MSL2: variants seen among roughly 807,000 people sequenced by gnomAD.
MSL2 encodes the protein E3 ubiquitin-protein ligase MSL2.
MSL2 carries 2 observed loss-of-function variants against 35.8 expected under a neutral mutation model. That is an observed-to-expected ratio of 0.06 (90% CI 0.02 to 0.18). The LOEUF is 0.18. MSL2 is among the 10% of genes least tolerant of loss of function. The pLI, the probability that MSL2 is intolerant of heterozygous loss-of-function variation, is 1.00. For synonymous variants in MSL2, 296 were observed against 255.7 expected, an observed-to-expected ratio of 1.16 and a Z score of -1.50; for missense variants, 523 against 706.7, an observed-to-expected ratio of 0.74 and a Z score of 2.95.
intron 1 of MSL2, among the ~76,000 whole-genome samples, chr3:136,183,907 C>T (rs1201000567): frequency 6.6e-6 from 1 of 152,188 alleles, no homozygotes; most frequent in Admixed American, 6.6e-5. Flanking sequence ...TGTGAATCAA[C>T]AACTGTTCTC....
intron 1 of MSL2, among the ~76,000 whole-genome samples, chr3:136,165,405 TTTC>T (rs1390345064): frequency 6.6e-6 from 1 of 152,198 alleles, no homozygotes; most frequent in African/African-American, 2.4e-5. Flanking sequence ...TAGTTACCAA[TTTC>T]TTATTTACTC....
intron 1 of MSL2, among the ~76,000 whole-genome samples, chr3:136,161,742 A>G (rs1009374519): frequency 1.3e-5 from 2 of 152,152 alleles, no homozygotes; most frequent in Non-Finnish European, 2.9e-5. Context: ...TTTTAGGGGG[A>G]TGAAAGTGTT....
intron 1 of MSL2, among the ~76,000 whole-genome samples, chr3:136,179,887 G>C (rs1940287859): frequency 6.6e-6 from 1 of 152,088 alleles, no homozygotes. Context: ...CCAACACGGT[G>C]AAACTCCACC....
chr3:136,152,037 T>C lies in MSL2; in HGVS notation c.844A>G (p.Asn282Asp), dbSNP rs150957431. The C allele has an allele frequency of 1.7e-5, 27 of 1,614,058 alleles. No individual in the cohort carries two copies. Among genetic ancestry groups the C allele is most frequent in the East Asian group, 1.1e-4 (5 of 44,906 alleles). Residue 282 changes from asparagine (N) to aspartate (D), a missense_variant, in exon 2 of 2, where the codon AAT becomes GAT. By Grantham distance (23) the Asn-to-Asp change is conservative (BLOSUM62 1). Transcript: ENST00000309993. ...AAATTAGGGCAACAGACCTCTGTAT[T>C]TGAAACAGTTTCTAAGCTGCGGAGT... ...EVLRSLETVS[N>D]TEVCCPNLQP...
At chr3:136,170,046 T>G (rs1332893684) in intron 1 of MSL2, among the ~76,000 whole-genome samples, 1 of 127,238 alleles carries the variant, frequency 7.9e-6, no homozygotes, top group Non-Finnish European at 1.7e-5. Context: ...GAGACTCCAT[T>G]AAAAAAAAAA....
intron 1 of MSL2, chr3:136,194,470 G>T (rs1251186637): frequency 1.0e-6 from 1 of 985,750 alleles, no homozygotes; most frequent in East Asian, 1.1e-4. Flanking sequence ...AGCATTTGTG[G>T]AGGAACCTGG....
chr3:136,171,594 C>T (rs1258140857), intron 1 of MSL2, among the ~76,000 whole-genome samples: 1 of 152,216 alleles, frequency 6.6e-6, no homozygotes, highest in African/African-American at 2.4e-5. Flanking sequence ...TACATCATGG[C>T]ATCCACTACA....
chr3:136,157,539 C>A (rs1431247471), intron 1 of MSL2, among the ~76,000 whole-genome samples: 3 of 151,918 alleles, frequency 2.0e-5, no homozygotes, highest in African/African-American at 7.3e-5. Flanking sequence ...CAGATTAGGG[C>A]AGAAACCAAT....
intron 1 of MSL2, among the ~76,000 whole-genome samples, chr3:136,177,234 A>G (rs942041854): frequency 6.6e-6 from 1 of 152,256 alleles, no homozygotes; most frequent in African/African-American, 2.4e-5. Flanking sequence ...TAGCCCATTT[A>G]AATATCCCTG....
intron 1 of MSL2, among the ~76,000 whole-genome samples, chr3:136,183,777 C>T (rs1323105031): frequency 6.6e-6 from 1 of 152,168 alleles, no homozygotes; most frequent in Admixed American, 6.5e-5. Context: ...ACTGAAAACA[C>T]ATATAGTTCA....
Position 136,161,942 on chromosome 3 carries a change from A to AT in MSL2, c.143-9205dup, listed in dbSNP as rs540015581. Among the ~76,000 whole-genome samples, 1,263 of 149,364 alleles carry AT rather than the reference A, an allele frequency of 8.5e-3. 6 individuals are homozygous for AT. Among genetic ancestry groups the AT allele is most frequent in the Non-Finnish European group, 9.7e-3 (652 of 67,122 alleles). ...AAGGGAAAAAAATACATATATATGC[A>AT]TTTTTTTTTTCTCAAGACGGAGTCT... On this transcript the variant is annotated intron_variant, in intron 1 of 1. Transcript: ENST00000309993.
chr3:136,152,892 G>A, intron 1 of MSL2, 154 bp from the exon 2 acceptor site: 1 of 985,380 alleles, frequency 1.0e-6, no homozygotes, highest in Non-Finnish European at 1.2e-6. Context: ...AGAAACGGAA[G>A]AATCTTCAAT....
intron 1 of MSL2, among the ~76,000 whole-genome samples, chr3:136,157,628 G>T (rs1302037472): frequency 1.3e-5 from 2 of 152,108 alleles, no homozygotes; most frequent in Admixed American, 6.6e-5. Flanking sequence ...AAGAAAACAA[G>T]AATACAAATT....
intron 1 of MSL2, among the ~76,000 whole-genome samples, chr3:136,162,834 T>C (rs190990015): frequency 8.5e-4 from 130 of 152,208 alleles, no homozygotes; most frequent in Non-Finnish European, 1.7e-3. Flanking sequence ...ACACAGAAAA[T>C]TGGCTCAATC....
intron 1 of MSL2, among the ~76,000 whole-genome samples, chr3:136,158,633 GA>G (rs374868786): frequency 2.7e-5 from 4 of 148,976 alleles, no homozygotes; most frequent in African/African-American, 7.4e-5. Context: ...AAAAGGAAAA[GA>G]AAAAAAAAGG....
intron 1 of MSL2, among the ~76,000 whole-genome samples, chr3:136,173,647 G>A (rs1258649584): frequency 1.3e-5 from 2 of 152,120 alleles, no homozygotes; most frequent in Non-Finnish European, 2.9e-5. Flanking sequence ...CGAATTTCGA[G>A]TTTTCTAGCT....
At chr3:136,178,021 A>T (rs1033629814) in intron 1 of MSL2, among the ~76,000 whole-genome samples, 2 of 152,224 alleles carry the variant, frequency 1.3e-5, no homozygotes, top group Admixed American at 6.6e-5. Context: ...AAGTTTCACC[A>T]GTCAACTACC....
intron 1 of MSL2, among the ~76,000 whole-genome samples, chr3:136,178,017 CA>C (rs1940232085): frequency 6.6e-6 from 1 of 152,054 alleles, no homozygotes; most frequent in Admixed American, 6.6e-5. Context: ...GAATAAGTTT[CA>C]CCAGTCAACT....
chr3:136,188,478 A>G (rs1483616130), intron 1 of MSL2, among the ~76,000 whole-genome samples: 2 of 151,946 alleles, frequency 1.3e-5, no homozygotes, highest in East Asian at 3.9e-4. Context: ...GGCTGGGTTC[A>G]GTGGCTCATG....
Sources: allele counts gnomAD v4.1 joint callset (sites outside exome capture counted in the v4.1 genomes callset), GRCh38; gene constraint gnomAD v4.1.1; transcripts MANE v1.5; gene names NCBI Gene and HGNC (gene_info 2026-07-23, HGNC 2026-07-21).